PPP2R2B: variants seen among roughly 807,000 people sequenced by gnomAD.
The protein encoded by PPP2R2B is serine/threonine-protein phosphatase 2A 55 kDa regulatory subunit B beta isoform.
Under a neutral mutation model 46.0 loss-of-function variants are expected in PPP2R2B, and 5 were observed. That is an observed-to-expected ratio of 0.11 (90% CI 0.06 to 0.23). The LOEUF (loss-of-function observed/expected upper bound fraction) is 0.23, where lower values mean the gene tolerates loss of function less well. Among genes scored for constraint, PPP2R2B ranks in the 10% least tolerant of loss-of-function variants. The pLI is 1.00. For synonymous variants in PPP2R2B, 215 were observed against 206.7 expected (o/e 1.04, Z -0.34); for missense variants, 367 against 575.0 (o/e 0.64, Z 3.70).
intron 1 of PPP2R2B, among the ~76,000 whole-genome samples, chr5:146,999,786 T>C (rs183527950): frequency 5.9e-4 from 90 of 152,306 alleles, no homozygotes; most frequent in Middle Eastern, 6.8e-3. Context: ...AACTCACAGA[T>C]AAATCCTCAG....
intron 1 of PPP2R2B, among the ~76,000 whole-genome samples, chr5:146,892,644 A>G (rs1762524379): frequency 6.6e-6 from 1 of 152,196 alleles, no homozygotes; most frequent in African/African-American, 2.4e-5. Context: ...TGCCTAGTGT[A>G]AAGTTTCCTA....
At chr5:146,791,808 C>G (rs1582113132) in intron 2 of PPP2R2B, among the ~76,000 whole-genome samples, 1 of 152,242 alleles carries the variant, frequency 6.6e-6, no homozygotes, top group South Asian at 2.1e-4. Context: ...GGCTGTCTCC[C>G]AGCAACCCAT....
intron 2 of PPP2R2B, among the ~76,000 whole-genome samples, chr5:146,784,431 G>A (rs1164450305): frequency 6.6e-6 from 1 of 151,928 alleles, no homozygotes; most frequent in Non-Finnish European, 1.5e-5. Flanking sequence ...AACACTGATG[G>A]GAAAATTGAT....
chr5:146,803,968 C>A (rs920646930), intron 2 of PPP2R2B, among the ~76,000 whole-genome samples: 1 of 152,002 alleles, frequency 6.6e-6, no homozygotes, highest in African/African-American at 2.4e-5. Context: ...GAGATAAAGA[C>A]CATCCTGGCT....
intron 1 of PPP2R2B, among the ~76,000 whole-genome samples, chr5:146,989,485 A>G (rs1753589201): frequency 6.6e-6 from 1 of 152,044 alleles, no homozygotes; most frequent in Admixed American, 6.6e-5. Context: ...TTAACAGAAT[A>G]AAAAACAAAG....
intron 2 of PPP2R2B, among the ~76,000 whole-genome samples, chr5:146,757,154 G>A (rs966944526): frequency 3.9e-5 from 6 of 152,114 alleles, no homozygotes; most frequent in Admixed American, 1.3e-4. Context: ...GAACTGACAG[G>A]CAATGGAATT....
chr5:147,006,022 A>G (rs1413796047), intron 1 of PPP2R2B, among the ~76,000 whole-genome samples: 1 of 152,170 alleles, frequency 6.6e-6, no homozygotes, highest in African/African-American at 2.4e-5. Context: ...CCTTCCTAAC[A>G]AAAATCCTTA....
chr5:146,683,378 A>G (rs1214766810), intron 5 of PPP2R2B, among the ~76,000 whole-genome samples: 1 of 152,204 alleles, frequency 6.6e-6, no homozygotes, highest in Non-Finnish European at 1.5e-5. Flanking sequence ...TTTTAGAGTC[A>G]TAAAGACGTG....
At chr5:146,758,939 C>G (rs548649750) in intron 2 of PPP2R2B, among the ~76,000 whole-genome samples, 2 of 151,842 alleles carry the variant, frequency 1.3e-5, no homozygotes, top group South Asian at 4.2e-4. Context: ...TTTTTTTTCC[C>G]AAATGGAATT....
In PPP2R2B at chr5:146,770,815, G is replaced by A. The variant is rs150874046; in HGVS notation, c.71-69673C>T. Among the ~76,000 whole-genome samples the A allele has an allele frequency of 6.8e-4, 104 of 152,258 alleles. No homozygotes were observed. In the East Asian group the frequency reaches 0.014, roughly 20 times the overall value. The stretch of plus-strand genomic sequence containing the variant: ...CAGGGAAGTGCTGAGTGCCTTTGGG[G>A]GCCAAGAAATAGCTCAATGAGGCTC... On this transcript the variant is annotated intron_variant, in intron 2 of 9. Transcript: ENST00000394411.
rs111575394 is a variant in PPP2R2B at position 146,877,138 on chromosome 5, A to G, written c.70+864T>C. On this transcript the variant is annotated intron_variant, in intron 2 of 9. Coordinates refer to ENST00000394411, the MANE Select transcript of PPP2R2B (RefSeq NM_181675.4). Reference sequence around the variant, plus strand: ...AATGCAAAAGTTTTGGCACTGGGGGAAAAAAATGCCTCTACTCTCTATTCA... The same window carrying G: ...AATGCAAAAGTTTTGGCACTGGGGGGAAAAAATGCCTCTACTCTCTATTCA... 4.0e-3 allele frequency among the ~76,000 whole-genome samples: 364 copies of G among 91,468 alleles called. 2 individuals carry two copies. The highest frequency in any genetic ancestry group is 0.022 in the African/African-American group (347 of 15,608). 60.0% of individuals were successfully genotyped at this position (91,468 alleles called of 152,430 possible).
At chr5:146,967,105 C>T (rs1228887603) in intron 1 of PPP2R2B, among the ~76,000 whole-genome samples, 1 of 152,132 alleles carries the variant, frequency 6.6e-6, no homozygotes, top group Admixed American at 6.6e-5. Flanking sequence ...GTTTAAAACC[C>T]AGGTCTTGTC....
intron 2 of PPP2R2B, among the ~76,000 whole-genome samples, chr5:146,819,091 G>A (rs184865331): frequency 6.6e-6 from 1 of 152,238 alleles, no homozygotes; most frequent in Admixed American, 6.5e-5. Flanking sequence ...AAAATCTCCA[G>A]CTGAAAATCA....
chr5:146,687,307 C>G (rs79971827), intron 5 of PPP2R2B, among the ~76,000 whole-genome samples: 4 of 152,052 alleles, frequency 2.6e-5, no homozygotes, highest in African/African-American at 7.2e-5. Context: ...TGCATCGGAT[C>G]GAAGGGCTCA....
At chr5:146,945,032 A>G (rs1245708972) in intron 1 of PPP2R2B, among the ~76,000 whole-genome samples, 1 of 152,196 alleles carries the variant, frequency 6.6e-6, no homozygotes, top group Admixed American at 6.6e-5. Flanking sequence ...AGATAGACAA[A>G]CTGACTTCTA....
intron 7 of PPP2R2B, among the ~76,000 whole-genome samples, chr5:146,635,890 A>G (rs1443825241): frequency 6.6e-6 from 1 of 152,244 alleles, no homozygotes; most frequent in Non-Finnish European, 1.5e-5. Context: ...TTTACTATCT[A>G]CAGGGGAATG....
chr5:146,683,018 G>A (rs1056718197), intron 5 of PPP2R2B, among the ~76,000 whole-genome samples: 3 of 152,138 alleles, frequency 2.0e-5, no homozygotes, highest in African/African-American at 4.8e-5. Flanking sequence ...AAACCCATCT[G>A]ATCTTCAGGA....
chr5:146,658,204 C>T (rs777743403), intron 5 of PPP2R2B, among the ~76,000 whole-genome samples: 6 of 152,080 alleles, frequency 3.9e-5, no homozygotes, highest in Non-Finnish European at 8.8e-5. Context: ...AAACCCTGAC[C>T]CTGGTGCTCT....
intron 2 of PPP2R2B, among the ~76,000 whole-genome samples, chr5:146,738,076 G>A (rs979481835): frequency 7.9e-5 from 12 of 152,034 alleles, no homozygotes; most frequent in Admixed American, 1.3e-4. Context: ...GCCATAGAGT[G>A]TTTAGTACAG....
Sources: allele counts gnomAD v4.1 joint callset (sites outside exome capture counted in the v4.1 genomes callset), GRCh38; gene constraint gnomAD v4.1.1; transcripts MANE v1.5; gene names NCBI Gene and HGNC (gene_info 2026-07-23, HGNC 2026-07-21).